The following CACNB2 variants were observed in gnomAD, a reference collection of about 807,000 sequenced individuals.
The protein encoded by CACNB2 is voltage-dependent L-type calcium channel subunit beta-2.
Under a neutral mutation model 73.3 loss-of-function variants are expected in CACNB2, and 42 were observed. That is an observed-to-expected ratio of 0.57 (90% confidence interval 0.45 to 0.74). The LOEUF (loss-of-function observed/expected upper bound fraction) is 0.74. Among genes scored for constraint, CACNB2 ranks in the 30% least tolerant of loss-of-function variants. The pLI, the probability that CACNB2 is intolerant of heterozygous loss-of-function variation, is 0.00. For synonymous variants in CACNB2, 348 were observed against 310.3 expected, an observed-to-expected ratio of 1.12 and a Z score of -1.28; for missense variants, 940 against 853.0, an observed-to-expected ratio of 1.10 and a Z score of -1.27.
At chr10:18,403,271 T>C (rs2044103752) in intron 3 of CACNB2, among the ~76,000 whole-genome samples, 1 of 152,168 alleles carries the variant, frequency 6.6e-6, no homozygotes, top group Non-Finnish European at 1.5e-5. Flanking sequence ...GCTCTACCAA[T>C]GTTAGCCACG....
Position 18,464,418 on chromosome 10 carries a change from T to TAAAAAAAAAAA in CACNB2, c.334-33925_334-33915dup, listed in dbSNP as rs762982462. ...CAGAGTGAGACCCTGTCTCAAAAAT[T>TAAAAAAAAAAA]AAAAAAAAAAAAAAAAAAAAAAGAA... On this transcript the variant is annotated intron_variant, in intron 3 of 13. Coordinates refer to ENST00000324631, the MANE Select transcript of CACNB2 (RefSeq NM_201596.3). Among the ~76,000 whole-genome samples, 39 of 85,288 alleles carry TAAAAAAAAAAA rather than the reference T, an allele frequency of 4.6e-4. No individual in the cohort carries two copies. In the South Asian group the frequency reaches 4.8e-3, roughly 10 times the overall value. The allele number at this position is 85,288 out of a possible 152,430, so 56.0% of individuals were successfully genotyped here. A position where few individuals can be genotyped will look rare whatever the true frequency, so the allele number is the denominator to read the frequency against.
intron 2 of CACNB2, among the ~76,000 whole-genome samples, chr10:18,355,255 T>C (rs1336706651): frequency 6.6e-6 from 1 of 152,230 alleles, no homozygotes; most frequent in Non-Finnish European, 1.5e-5. Flanking sequence ...TTTCTTGTTA[T>C]TTGAGCTTTC....
intron 2 of CACNB2, among the ~76,000 whole-genome samples, chr10:18,223,829 T>G (rs2035884160): frequency 6.6e-6 from 1 of 152,172 alleles, no homozygotes; most frequent in South Asian, 2.1e-4. Context: ...ATTTTATTTT[T>G]AAATTTTCCC....
At chr10:18,442,385 G>C (rs1031609606) in intron 3 of CACNB2, among the ~76,000 whole-genome samples, 3 of 151,660 alleles carry the variant, frequency 2.0e-5, no homozygotes, top group African/African-American at 7.3e-5. Context: ...CCTGACCTCA[G>C]GTGATCCACC....
At chr10:18,391,004 A>G (rs981148681) in intron 2 of CACNB2, among the ~76,000 whole-genome samples, 6 of 152,374 alleles carry the variant, frequency 3.9e-5, no homozygotes, top group Middle Eastern at 6.8e-3. Context: ...AAGCTTCACA[A>G]AAAATAAGTT....
At chr10:18,417,919 G>A (rs1023058227) in intron 3 of CACNB2, among the ~76,000 whole-genome samples, 1 of 135,720 alleles carries the variant, frequency 7.4e-6, no homozygotes, top group African/African-American at 2.6e-5. Flanking sequence ...CTATTCGTAA[G>A]GGGAAAAAAA....
intron 2 of CACNB2, among the ~76,000 whole-genome samples, chr10:18,289,158 T>C (rs960319048): frequency 6.6e-5 from 10 of 152,156 alleles, no homozygotes; most frequent in African/African-American, 2.2e-4. Context: ...AGTTGTAATA[T>C]CAAGTTTTGC....
chr10:18,537,776 CAAAAAAAGAAAAA>C (rs1469873692), intron 12 of CACNB2, among the ~76,000 whole-genome samples: 2 of 151,632 alleles, frequency 1.3e-5, no homozygotes, highest in Non-Finnish European at 2.9e-5. Flanking sequence ...GACTCTGTCT[CAAAAAAAGAAAAA>C]GAAAAAAGAT....
At chr10:18,211,169 G>T (rs2035301597) in intron 2 of CACNB2, among the ~76,000 whole-genome samples, 1 of 152,196 alleles carries the variant, frequency 6.6e-6, no homozygotes. Flanking sequence ...AAGGAGAGCA[G>T]TAGAGGGTGA....
intron 7 of CACNB2, chr10:18,514,594 C>T (rs1298974769): frequency 8.4e-6 from 13 of 1,538,698 alleles, no homozygotes; most frequent in Non-Finnish European, 9.9e-6. Flanking sequence ...TTAATTCCCA[C>T]AGTTGTATTA....
intron 2 of CACNB2, among the ~76,000 whole-genome samples, chr10:18,255,562 G>A (rs747632656): frequency 6.6e-6 from 1 of 152,130 alleles, no homozygotes; most frequent in Non-Finnish European, 1.5e-5. Flanking sequence ...TTTACTTGTC[G>A]TTTTCCTACT....
intron 1 of CACNB2, among the ~76,000 whole-genome samples, chr10:18,142,909 T>G (rs960424336): frequency 5.3e-5 from 8 of 152,186 alleles, no homozygotes; most frequent in Non-Finnish European, 1.0e-4. Flanking sequence ...AACACGCTAT[T>G]TGGAGGAATC....
intron 9 of CACNB2, among the ~76,000 whole-genome samples, chr10:18,520,504 T>C (rs577864452): frequency 6.6e-6 from 1 of 152,236 alleles, no homozygotes; most frequent in Non-Finnish European, 1.5e-5. Flanking sequence ...CCTTAAAGCC[T>C]GTGCTCAGGT....
intron 3 of CACNB2, among the ~76,000 whole-genome samples, chr10:18,445,470 A>G (rs1371356693): frequency 1.3e-5 from 2 of 152,210 alleles, no homozygotes; most frequent in African/African-American, 4.8e-5. Context: ...CTCTGAATTG[A>G]AAAACATGAG....
In CACNB2 at chr10:18,384,956, A is replaced by C. The variant is rs146225117; in HGVS notation, c.214-16968A>C. 6.2e-3 allele frequency among the ~76,000 whole-genome samples: 945 copies of C among 152,116 alleles called. 10 individuals carry two copies. The highest frequency in any genetic ancestry group is 0.022 in the African/African-American group (914 of 41,480). On this transcript the variant is annotated intron_variant, in intron 2 of 13. Transcript: ENST00000324631. ...GCATTGTGGTTCTCAACCTTGGCTG[A>C]ACAGTAGAATCACATGCAGAACTTT...
At chr10:18,142,609 G>A (rs1335303212) in intron 1 of CACNB2, among the ~76,000 whole-genome samples, 1 of 152,108 alleles carries the variant, frequency 6.6e-6, no homozygotes, top group African/African-American at 2.4e-5. Flanking sequence ...TTTTAGAAAA[G>A]TTTTTATTCT....
At chr10:18,326,358 T>C (rs2040590112) in intron 2 of CACNB2, among the ~76,000 whole-genome samples, 1 of 152,242 alleles carries the variant, frequency 6.6e-6, no homozygotes, top group Non-Finnish European at 1.5e-5. Context: ...TAAATAAATC[T>C]GCTCCATCTT....
At chr10:18,517,944 C>T (rs1054374961) in intron 7 of CACNB2, among the ~76,000 whole-genome samples, 17 of 152,190 alleles carry the variant, frequency 1.1e-4, no homozygotes, top group African/African-American at 4.1e-4. Flanking sequence ...TAGGTCTAAT[C>T]ACTACAACTC....
At chr10:18,351,568 C>T (rs1345669766) in intron 2 of CACNB2, among the ~76,000 whole-genome samples, 1 of 152,100 alleles carries the variant, frequency 6.6e-6, no homozygotes, top group African/African-American at 2.4e-5. Flanking sequence ...CTATTGTTAC[C>T]GTTTTCTGCC....
Sources: allele counts gnomAD v4.1 joint callset (sites outside exome capture counted in the v4.1 genomes callset), GRCh38; gene constraint gnomAD v4.1.1; transcripts MANE v1.5; gene names NCBI Gene and HGNC (gene_info 2026-07-23, HGNC 2026-07-21).